The following RNF123 variants were observed in gnomAD, a reference collection of about 807,000 sequenced individuals.
RNF123 encodes E3 ubiquitin-protein ligase RNF123.
In RNF123, 86 loss-of-function variants were observed where a neutral mutation model predicts 168.5. The ratio of observed to expected loss-of-function variants is 0.51; its 90% CI spans 0.43 to 0.61. RNF123 has a LOEUF of 0.61. Ranked by LOEUF, RNF123 falls within the 20% of genes least tolerant of loss-of-function variation. The pLI is 0.00. For missense variants in RNF123, 1,419 were observed against 1,729.7 expected (o/e 0.82, Z 3.19); for synonymous variants, 666 against 689.1 (o/e 0.97, Z 0.52).
At chr3:49,690,044 C>CTT in intron 1 of RNF123, among the ~76,000 whole-genome samples, 1 of 152,198 alleles carries the variant, frequency 6.6e-6, no homozygotes, top group Non-Finnish European at 1.5e-5. Flanking sequence ...TCATGGACGC[C>CTT]CACCGAGGGC....
intron 23 of RNF123, 54 bp downstream of exon 23, chr3:49,705,236 A>G (rs971020714): frequency 6.5e-7 from 1 of 1,549,386 alleles, no homozygotes; most frequent in Non-Finnish European, 8.7e-7. Context: ...CACAGTGTAC[A>G]GTCCCCGATC....
chr3:49,703,556 A>G (rs201534843), intron 21 of RNF123, 28 bp downstream of exon 21: 2 of 1,584,156 alleles, frequency 1.3e-6, no homozygotes, highest in Non-Finnish European at 1.7e-6. Flanking sequence ...GGCCGGGAGC[A>G]GTTCTGGGGC....
intron 24 of RNF123, 62 bp from the exon 25 acceptor site, chr3:49,705,920 C>G (rs1292555792): frequency 6.4e-7 from 1 of 1,569,456 alleles, no homozygotes; most frequent in Non-Finnish European, 8.8e-7. Flanking sequence ...CAGACTGGGT[C>G]TGAAGAAGCC....
chr3:49,717,991 G>A (rs768800462), intron 35 of RNF123: 14 of 1,613,478 alleles, frequency 8.7e-6, no homozygotes, highest in African/African-American at 1.3e-5. Context: ...GGAGCTGGCG[G>A]ACTCAGAGCC....
intron 9 of RNF123, 32 bp downstream of exon 9, chr3:49,698,854 C>A (rs778745849): frequency 5.0e-5 from 81 of 1,610,204 alleles, no homozygotes; most frequent in Admixed American, 1.9e-4. Context: ...ACAGGCCTGG[C>A]CCCTGGGGCC....
chr3:49,697,974 G>C (rs750123501), intron 6 of RNF123, 35 bp downstream of exon 6: 8 of 1,614,020 alleles, frequency 5.0e-6, no homozygotes, highest in Non-Finnish European at 6.8e-6. Context: ...TAGGTAGTGA[G>C]GAGAAAGTTT....
rs777029614 is a variant in RNF123, at chr3:49,701,544, TGGA to T, written c.1337_1339del (p.Glu446del). ...TTTTACATCAAGAGCCCCCTGCGTGTGGAGGAGGCCGGCCTGCAGGAGCTCATT... is the reference window on the plus strand; with the variant it reads ...TTTTACATCAAGAGCCCCCTGCGTGTGGAGGCCGGCCTGCAGGAGCTCATT... On this transcript the variant is annotated inframe_deletion, in exon 16 of 39. Coordinates refer to ENST00000327697, the MANE Select transcript of RNF123 (RefSeq NM_022064.5). 4.3e-6 allele frequency: 7 copies of T among 1,613,786 alleles called. No individual in the cohort carries two copies. The highest frequency in any genetic ancestry group is 1.7e-5 in the Admixed American group (1 of 60,030).
intron 20 of RNF123, 118 bp downstream of exon 20, chr3:49,702,871 C>T: frequency 6.8e-7 from 1 of 1,477,480 alleles, no homozygotes; most frequent in Non-Finnish European, 9.2e-7. Flanking sequence ...TTGTCCCCGG[C>T]ATCCTGCCTG....
At chr3:49,702,484 C>G in intron 19 of RNF123, 79 bp downstream of exon 19, 1 of 1,597,238 alleles carries the variant, frequency 6.3e-7, no homozygotes, top group Non-Finnish European at 8.6e-7. Flanking sequence ...TGGCACTTCT[C>G]GGACTGCCTC....
chr3:49,695,110 C>T (rs1233290416), intron 3 of RNF123, among the ~76,000 whole-genome samples: 1 of 152,194 alleles, frequency 6.6e-6, no homozygotes, highest in Admixed American at 6.5e-5. Context: ...GTAGCTGCTC[C>T]AAGTGTGGGC....
intron 35 of RNF123, chr3:49,716,967 G>C (rs2080258831): frequency 6.3e-6 from 1 of 159,710 alleles, no homozygotes; most frequent in Non-Finnish European, 1.4e-5. Flanking sequence ...CTGCCCCCCT[G>C]CAGTGGGAGC....
Position 49,705,063 on chromosome 3 carries a change from G to C in RNF123, c.2039G>C (p.Arg680Pro), listed in dbSNP as rs745851137. 9 of 1,611,610 alleles carry C rather than the reference G, an allele frequency of 5.6e-6. No homozygotes were observed. The highest frequency in any genetic ancestry group is 5.1e-6 in the Non-Finnish European group (6 of 1,179,178). ...PGWLSSPTLG[R>P]ANRFLSTAAV... is the part of the protein sequence containing the mutation. Reference sequence around the variant, plus strand: ...TGGCTCAGTTCTCCAACTTTGGGCCGAGCCAACCGCTTCCTCAGCACAGCG... The same window carrying C: ...TGGCTCAGTTCTCCAACTTTGGGCCCAGCCAACCGCTTCCTCAGCACAGCG... Residue 680 changes from arginine (R) to proline (P), a missense_variant, in exon 23 of 39, where the codon CGA becomes CCA. By Grantham distance (103) the Arg-to-Pro change is moderately radical (BLOSUM62 -2). This residue lies in a region of RNF123 where 538 missense variants were observed against 708.8 expected (regional missense o/e 0.76). Transcript: ENST00000327697.
chr3:49,704,872 G>A (rs1213579629), intron 22 of RNF123, 112 bp from the exon 23 acceptor site: 3 of 1,393,906 alleles, frequency 2.2e-6, no homozygotes, highest in Non-Finnish European at 2.9e-6. Context: ...TTCTCACTGG[G>A]CTGGTGCCTT....
At chr3:49,714,052 TG>T (rs1559686087) in intron 30 of RNF123, 37 bp from the exon 31 acceptor site, 2 of 1,613,650 alleles carry the variant, frequency 1.2e-6, no homozygotes, top group East Asian at 4.5e-5. Flanking sequence ...GAGGGTGCGC[TG>T]TCCCATTGAC....
chr3:49,701,542 T>C lies in RNF123; in HGVS notation c.1329T>C (p.Arg443=). ...TCTTTTACATCAAGAGCCCCCTGCG[T>C]GTGGAGGAGGCCGGCCTGCAGGAGC... The part of the protein sequence containing the change: ...VVFFYIKSPL[R]VEEAGLQELI... The change falls in exon 16 of 39, where the codon CGT becomes CGC. Residue 443 remains arginine, a synonymous_variant. Transcript: ENST00000327697. 1.2e-6 allele frequency: 2 copies of C among 1,613,800 alleles called. No homozygotes were observed. Among genetic ancestry groups the C allele is most frequent in the Non-Finnish European group, 1.7e-6 (2 of 1,179,992 alleles).
intron 21 of RNF123, among the ~76,000 whole-genome samples, chr3:49,704,110 G>A (rs1157227498): frequency 2.0e-5 from 3 of 152,202 alleles, no homozygotes; most frequent in Non-Finnish European, 4.4e-5. Context: ...AGGTGGTGGA[G>A]ATGAGAAATT....
Position 49,698,499 on chromosome 3 carries a change from G to T in RNF123, c.543G>T (p.Trp181Cys). Residue 181 changes from tryptophan (W) to cysteine (C), a missense_variant, in exon 8 of 39, where the codon TGG becomes TGT. Coordinates refer to ENST00000327697, the MANE Select transcript of RNF123 (RefSeq NM_022064.5). ...YAYDGNRVRK[W>C]NVTTTNYGKA... ...ATGATGGCAACCGCGTGCGCAAGTG[G>T]AATGTGACCACAACGAATTATGGCA... is the stretch of plus-strand genomic sequence containing the variant. 6.2e-7 allele frequency: 1 copy of T among 1,613,972 alleles called. No homozygotes were observed. Among genetic ancestry groups the T allele is most frequent in the South Asian group, 1.1e-5 (1 of 91,082 alleles).
At chr3:49,692,828 G>C (rs2054194933) in intron 3 of RNF123, among the ~76,000 whole-genome samples, 1 of 152,132 alleles carries the variant, frequency 6.6e-6, no homozygotes, top group South Asian at 2.1e-4. Flanking sequence ...TGGCCGAATA[G>C]TACTCCGTTG....
Position 49,702,882 on chromosome 3 carries a change from GTTGAGT to G in RNF123, c.1750+130_1750+135del, listed in dbSNP as rs1294652266. On this transcript the variant is annotated intron_variant, in intron 20 of 38. Transcript: ENST00000327697. The stretch of plus-strand genomic sequence containing the variant: ...GGAGTTGTCCCCGGCATCCTGCCTG[GTTGAGT>G]CCTACCCAGCCACAGGCGGCTTCTC... The G allele has an allele frequency of 3.5e-6, 5 of 1,414,772 alleles. No individual in the cohort carries two copies. The African/African-American group carries it at 4.2e-5, about 12-fold the overall frequency. 87.6% of individuals were successfully genotyped at this position (1,414,772 alleles called of 1,614,324 possible). A position where few individuals can be genotyped will look rare whatever the true frequency, so the allele number is the denominator to read the frequency against.
Sources: gnomAD v4.1 joint callset for allele counts (sites outside exome capture counted in the v4.1 genomes callset) on GRCh38, gnomAD v4.1.1 for gene constraint, gnomAD v4.1.1 regional missense constraint, MANE v1.5 for transcripts, NCBI Gene and HGNC (gene_info 2026-07-23, HGNC 2026-07-21) for gene names.